Variants in DACH1 observed in about 807,000 individuals in gnomAD.
DACH1 encodes dachshund family transcription factor 1.
A neutral mutation model predicts 54.2 loss-of-function variants in DACH1; 12 were observed. The observed-to-expected ratio is 0.22, with a 90% CI of 0.14 to 0.36. The LOEUF is 0.36. Among genes scored for constraint, DACH1 ranks in the 10% least tolerant of loss-of-function variants. The pLI is 1.00. For synonymous variants in DACH1, 386 were observed against 366.2 expected (o/e 1.05, Z -0.62); for missense variants, 805 against 929.8 (o/e 0.87, Z 1.75).
chr13:71,509,406 T>A (rs932272667), intron 6 of DACH1, among the ~76,000 whole-genome samples: 2 of 151,778 alleles, frequency 1.3e-5, no homozygotes, highest in African/African-American at 4.8e-5. Context: ...GTAGAAAAAA[T>A]TAGGAATGAG....
At chr13:71,502,991 C>T (rs1719344273) in intron 6 of DACH1, among the ~76,000 whole-genome samples, 1 of 152,212 alleles carries the variant, frequency 6.6e-6, no homozygotes, top group South Asian at 2.1e-4. Context: ...TTACTAAGTA[C>T]AATGACTTCG....
rs575213806 is a variant in DACH1, at chr13:71,791,419, GT to G, written c.848+74502del. On this transcript the variant is annotated intron_variant, in intron 1 of 10. Coordinates refer to ENST00000613252, the MANE Select transcript of DACH1 (RefSeq NM_080759.6). ...GATGAAGTCTCACTCTGTCCCCCAA[GT>G]GGCAGGCGGGAGTGCAGTGGCGCTA... Among the ~76,000 whole-genome samples the G allele has an allele frequency of 2.0e-4, 31 of 152,226 alleles. 1 individual carries two copies. The East Asian group carries it at 5.0e-3, about 25-fold the overall frequency.
At chr13:71,513,540 T>G (rs1480808865) in intron 6 of DACH1, among the ~76,000 whole-genome samples, 1 of 152,028 alleles carries the variant, frequency 6.6e-6, no homozygotes, top group Non-Finnish European at 1.5e-5. Context: ...AATATGATGT[T>G]AAGTATATTA....
At chr13:71,858,945 C>T (rs1566546968) in intron 1 of DACH1, among the ~76,000 whole-genome samples, 1 of 151,444 alleles carries the variant, frequency 6.6e-6, no homozygotes, top group African/African-American at 2.4e-5. Context: ...GTCTCTCTCT[C>T]AGTATCAATC....
intron 1 of DACH1, among the ~76,000 whole-genome samples, chr13:71,842,369 G>T (rs188810773): frequency 3.0e-4 from 45 of 151,594 alleles, no homozygotes; most frequent in Non-Finnish European, 5.0e-4. Flanking sequence ...GAGCCCAGAA[G>T]TTCAAGACCA....
rs544731410 is a variant in DACH1 at position 71,718,382 on chromosome 13, C to T, written c.849-36472G>A. ...GAAGGATCTCTCGAGCTCAGGAGTT[C>T]AAGACCAGTCTGGGCAACATAGCGA... On this transcript the variant is annotated intron_variant, in intron 1 of 10. Coordinates refer to ENST00000613252, the MANE Select transcript of DACH1 (RefSeq NM_080759.6). 2.6e-5 allele frequency among the ~76,000 whole-genome samples: 4 copies of T among 152,014 alleles called. No individual in the cohort carries two copies. In the East Asian group the frequency reaches 7.8e-4, roughly 30 times the overall value.
chr13:71,836,603 C>G (rs1338293203), intron 1 of DACH1, among the ~76,000 whole-genome samples: 1 of 152,018 alleles, frequency 6.6e-6, no homozygotes, highest in Admixed American at 6.6e-5. Flanking sequence ...CTTCCTATTT[C>G]CCTCCTCTAC....
chr13:71,632,654 G>C (rs1223713289), intron 2 of DACH1, among the ~76,000 whole-genome samples: 1 of 152,014 alleles, frequency 6.6e-6, no homozygotes, highest in East Asian at 1.9e-4. Context: ...TGGCTTTTTA[G>C]AGGTTAGAAG....
At chr13:71,586,162 G>A (rs185744957) in intron 3 of DACH1, among the ~76,000 whole-genome samples, 2 of 152,108 alleles carry the variant, frequency 1.3e-5, no homozygotes, top group Admixed American at 6.5e-5. Flanking sequence ...ACCCTTTCTT[G>A]ACAGGGGGTA....
chr13:71,503,000 C>T (rs773270364), intron 6 of DACH1, among the ~76,000 whole-genome samples: 23 of 152,190 alleles, frequency 1.5e-4, no homozygotes, highest in Non-Finnish European at 2.5e-4. Flanking sequence ...ACAATGACTT[C>T]GCTTAAGCTA....
chr13:71,573,037 C>A, intron 3 of DACH1, 25 bp from the exon 4 acceptor site: 1 of 1,606,494 alleles, frequency 6.2e-7, no homozygotes, highest in Non-Finnish European at 8.5e-7. Context: ...CATATATCAT[C>A]ATTGCTCTGG....
At chr13:71,846,785 C>A (rs1873309091) in intron 1 of DACH1, among the ~76,000 whole-genome samples, 2 of 152,200 alleles carry the variant, frequency 1.3e-5, no homozygotes, top group South Asian at 4.1e-4. Context: ...AAACTAACTG[C>A]TCTGATCTTT....
rs397978208 is a variant in DACH1, at chr13:71,614,853, C to CAAAAAAAAAAAAAAAAAA, written c.1126+15685_1126+15702dup. ...TGGGTGACAAACTAAAACTCTATCT[C>CAAAAAAAAAAAAAAAAAA]AAAAAAAAAAAAAAAAAAAAGCCAC... is the stretch of plus-strand genomic sequence containing the variant. On this transcript the variant is annotated intron_variant, in intron 3 of 10. Coordinates refer to ENST00000613252, the MANE Select transcript of DACH1 (RefSeq NM_080759.6). Among the ~76,000 whole-genome samples the CAAAAAAAAAAAAAAAAAA allele has an allele frequency of 4.1e-5, 2 of 48,926 alleles. 1 individual carries two copies. The highest frequency in any genetic ancestry group is 8.2e-5 in the Non-Finnish European group (2 of 24,398). The allele number at this position is 48,926 out of a possible 152,430, so 32.1% of individuals were successfully genotyped here.
At chr13:71,551,383 T>C (rs1301328881) in intron 6 of DACH1, among the ~76,000 whole-genome samples, 1 of 152,140 alleles carries the variant, frequency 6.6e-6, no homozygotes, top group Non-Finnish European at 1.5e-5. Context: ...AGTCACCCTA[T>C]TGATTTATTG....
intron 10 of DACH1, among the ~76,000 whole-genome samples, chr13:71,472,667 T>C (rs1475995552): frequency 6.6e-6 from 1 of 152,092 alleles, no homozygotes; most frequent in Non-Finnish European, 1.5e-5. Flanking sequence ...TTGGGGACAG[T>C]TGGAGAGAGA....
intron 2 of DACH1, among the ~76,000 whole-genome samples, chr13:71,645,563 C>A (rs111479657): frequency 1.3e-5 from 2 of 152,040 alleles, no homozygotes; most frequent in African/African-American, 4.8e-5. Context: ...TTTTTATGGG[C>A]TTGGGAAAGT....
rs537591734 is a variant in DACH1, at chr13:71,839,141, C to T, written c.848+26781G>A. Among the ~76,000 whole-genome samples, 67 of 152,146 alleles carry T rather than the reference C, an allele frequency of 4.4e-4. 1 individual carries two copies. The highest frequency in any genetic ancestry group is 8.4e-4 in the Non-Finnish European group (57 of 68,016). ...TTCATAATGGAAAAATAATATTTGA[C>T]CTCTGAGAATTATTAAGAATGCTTT... is the stretch of plus-strand genomic sequence containing the variant. On this transcript the variant is annotated intron_variant, in intron 1 of 10. Transcript: ENST00000613252.
chr13:71,537,345 T>C (rs1882873793), intron 6 of DACH1, among the ~76,000 whole-genome samples: 1 of 152,138 alleles, frequency 6.6e-6, no homozygotes, highest in South Asian at 2.1e-4. Context: ...ACTATCACAT[T>C]TCCCAGTCTC....
At chr13:71,686,080 G>A (rs192906836) in intron 1 of DACH1, among the ~76,000 whole-genome samples, 1 of 152,224 alleles carries the variant, frequency 6.6e-6, no homozygotes. Flanking sequence ...TATCCCAGAG[G>A]ATTAGAGCAA....
Sources: gnomAD v4.1 joint callset for allele counts (sites outside exome capture counted in the v4.1 genomes callset) on GRCh38, gnomAD v4.1.1 for gene constraint, MANE v1.5 for transcripts, NCBI Gene and HGNC (gene_info 2026-07-23, HGNC 2026-07-21) for gene names.